ABCC9: variants seen among roughly 807,000 people sequenced by gnomAD.
ABCC9 encodes the protein ATP-binding cassette sub-family C member 9.
A neutral mutation model predicts 188.3 loss-of-function variants in ABCC9; 95 were observed. The observed-to-expected ratio is 0.50, with a 90% CI of 0.43 to 0.60. The LOEUF is 0.60. ABCC9 is among the 20% of genes least tolerant of loss of function. The pLI, the probability that ABCC9 is intolerant of heterozygous loss-of-function variation, is 0.00. For missense variants in ABCC9, 1,102 were observed against 1,876.3 expected (o/e 0.59, Z 7.62); for synonymous variants, 659 against 652.7 (o/e 1.01, Z -0.15).
chr12:21,922,722 A>G (rs1350969027), intron 5 of ABCC9, among the ~76,000 whole-genome samples: 4 of 148,668 alleles, frequency 2.7e-5, no homozygotes, highest in Middle Eastern at 3.2e-3. Context: ...TGCAATCCCC[A>G]TAATGGTCCT....
intron 5 of ABCC9, among the ~76,000 whole-genome samples, chr12:21,921,316 T>C (rs531815442): frequency 6.6e-6 from 1 of 152,248 alleles, no homozygotes; most frequent in African/African-American, 2.4e-5. Flanking sequence ...ATTTCTCCGA[T>C]GATCAGTGAT....
At position 21,861,003 on chromosome 12, in the gene ABCC9, G is replaced by T. The variant is rs760116129; in HGVS notation, c.2392C>A (p.Pro798Thr). ...CCAATTTCAGTTTGATCTCCAAATG[G>T]TAATAAGTCAATATCTGGCTGAAGA... Reference protein sequence around the residue: ...CSLQPDIDLLPFGDQTEIGER... With the variant: ...CSLQPDIDLLTFGDQTEIGER... The change falls in exon 21 of 40, where the codon CCA becomes ACA. Residue 798 changes from proline to threonine, a missense_variant. By Grantham distance (38) the Pro-to-Thr change is conservative (BLOSUM62 -1). Around this residue, in one of 12 missense-constraint regions of ABCC9, gnomAD observed 31 missense variants for 78.8 expected, o/e 0.39. Transcript: ENST00000261200. 2.5e-6 allele frequency: 4 copies of T among 1,613,538 alleles called. No homozygotes were observed. In the African/African-American group the frequency reaches 4.0e-5, roughly 16 times the overall value.
intron 37 of ABCC9, among the ~76,000 whole-genome samples, chr12:21,808,792 A>AAAAAAAAG (rs1565683791): frequency 1.3e-5 from 2 of 150,566 alleles, no homozygotes. Flanking sequence ...AAAAAAAAAA[A>AAAAAAAAG]AAAAAAAGAA....
At chr12:21,908,265 G>T in intron 10 of ABCC9, 54 bp from the exon 11 acceptor site, 1 of 1,587,850 alleles carries the variant, frequency 6.3e-7, no homozygotes, top group East Asian at 2.3e-5. Context: ...GGGAGCCATT[G>T]CATGAAAGGA....
intron 4 of ABCC9, 99 bp from the exon 5 acceptor site, chr12:21,926,162 A>G (rs1949037361): frequency 1.1e-5 from 17 of 1,501,860 alleles, no homozygotes; most frequent in Non-Finnish European, 1.5e-5. Context: ...TAGCAATAAG[A>G]TGTTTAAAAT....
At chr12:21,830,644 TCTATCC>T (rs1434664529) in intron 30 of ABCC9, among the ~76,000 whole-genome samples, 1 of 152,226 alleles carries the variant, frequency 6.6e-6, no homozygotes, top group Non-Finnish European at 1.5e-5. Flanking sequence ...ACGCTTGATA[TCTATCC>T]AATCAATCTG....
intron 22 of ABCC9, among the ~76,000 whole-genome samples, chr12:21,859,119 A>G (rs879692988): frequency 6.6e-6 from 1 of 152,216 alleles, no homozygotes; most frequent in Non-Finnish European, 1.5e-5. Flanking sequence ...GGTCTAGAGC[A>G]AAACCAAGCT....
rs1450625950 is a variant in ABCC9 at position 21,797,844 on chromosome 12, G to T, written c.*3200C>A. The T allele has an allele frequency of 2.0e-5, 3 of 152,070 alleles. No homozygotes were observed. Among genetic ancestry groups the T allele is most frequent in the Non-Finnish European group, 4.4e-5 (3 of 68,010 alleles). The allele number at this position is 152,070 out of a possible 1,614,324, so 9.4% of individuals were successfully genotyped here. Reference sequence around the variant, plus strand: ...TAATATAATGCTTTATGCATTTATTGCTTCTTATGAGATTAAGGAGTTATG... The same window carrying T: ...TAATATAATGCTTTATGCATTTATTTCTTCTTATGAGATTAAGGAGTTATG... On this transcript the variant is annotated 3_prime_UTR_variant, in exon 40 of 40. Transcript: ENST00000261200.
chr12:21,833,502 G>A (rs753135032), intron 30 of ABCC9, among the ~76,000 whole-genome samples: 2 of 152,074 alleles, frequency 1.3e-5, no homozygotes, highest in Admixed American at 6.6e-5. Flanking sequence ...GTCTAGGGAA[G>A]AAGGTAAATG....
At chr12:21,899,531 C>T (rs1423747013) in intron 12 of ABCC9, among the ~76,000 whole-genome samples, 2 of 152,202 alleles carry the variant, frequency 1.3e-5, no homozygotes, top group African/African-American at 4.8e-5. Context: ...ACCCAGGAAG[C>T]ACAAGGGGTC....
At chr12:21,890,516 T>C (rs935120964) in intron 14 of ABCC9, among the ~76,000 whole-genome samples, 2 of 152,182 alleles carry the variant, frequency 1.3e-5, no homozygotes, top group African/African-American at 4.8e-5. Flanking sequence ...AAGTCTTACC[T>C]ATTTTTAAGG....
intron 17 of ABCC9, among the ~76,000 whole-genome samples, chr12:21,872,965 A>G (rs1337161314): frequency 6.6e-6 from 1 of 151,854 alleles, no homozygotes; most frequent in South Asian, 2.1e-4. Flanking sequence ...ATAGCAGTAA[A>G]GAAAGTAATG....
At chr12:21,862,476 T>G (rs184311229) in intron 20 of ABCC9, among the ~76,000 whole-genome samples, 2 of 152,270 alleles carry the variant, frequency 1.3e-5, no homozygotes, top group East Asian at 3.9e-4. Context: ...CAAGAGTGGC[T>G]CAGGGAAAGG....
chr12:21,917,736 C>T (rs1231718374), intron 5 of ABCC9, among the ~76,000 whole-genome samples: 5 of 152,052 alleles, frequency 3.3e-5, no homozygotes, highest in African/African-American at 4.8e-5. Flanking sequence ...ATTACACTGC[C>T]GCAAAACTAC....
At chr12:21,924,097 C>T in intron 5 of ABCC9, 1 of 363,480 alleles carries the variant, frequency 2.8e-6, no homozygotes, top group East Asian at 4.1e-5. Context: ...GATATTGCTT[C>T]TGTAAAGGTG....
intron 5 of ABCC9, among the ~76,000 whole-genome samples, chr12:21,925,722 T>A (rs1352994102): frequency 6.6e-6 from 1 of 151,958 alleles, no homozygotes; most frequent in African/African-American, 2.4e-5. Context: ...GCAGAAGAGA[T>A]GACCTGGGGG....
At chr12:21,935,104 A>G (rs896760046) in intron 3 of ABCC9, among the ~76,000 whole-genome samples, 3 of 152,078 alleles carry the variant, frequency 2.0e-5, no homozygotes, top group African/African-American at 7.2e-5. Context: ...ATTCTCTTCT[A>G]TTCAAATACC....
intron 17 of ABCC9, among the ~76,000 whole-genome samples, chr12:21,873,586 G>A (rs529110681): frequency 1.6e-4 from 24 of 152,160 alleles, no homozygotes; most frequent in Middle Eastern, 6.8e-3. Flanking sequence ...CATATGGAAA[G>A]AGTAGACCCC....
intron 15 of ABCC9, among the ~76,000 whole-genome samples, chr12:21,885,143 A>T (rs1946807758): frequency 6.6e-6 from 1 of 152,146 alleles, no homozygotes; most frequent in Admixed American, 6.6e-5. Flanking sequence ...CTCCATGGAG[A>T]TTCTACAGCC....
Sources: gnomAD v4.1 joint callset for allele counts (sites outside exome capture counted in the v4.1 genomes callset) on GRCh38, gnomAD v4.1.1 for gene constraint, gnomAD v4.1.1 regional missense constraint, MANE v1.5 for transcripts, NCBI Gene and HGNC (gene_info 2026-07-23, HGNC 2026-07-21) for gene names.